Variants in ENOX2 observed in about 807,000 individuals in gnomAD.
ENOX2 encodes ecto-NOX disulfide-thiol exchanger 2, also known as APK1 antigen.
ENOX2 carries 36 observed loss-of-function variants against 45.0 expected under a neutral mutation model. That is an observed-to-expected ratio of 0.80 (90% confidence interval 0.61 to 1.06). The LOEUF is 1.06. Ranked by LOEUF, ENOX2 falls within the 50% of genes least tolerant of loss-of-function variation. ENOX2 has a pLI of 0.00. For missense variants in ENOX2, 423 were observed against 462.5 expected, an observed-to-expected ratio of 0.91 and a Z score of 0.78; for synonymous variants, 174 against 152.3, an observed-to-expected ratio of 1.14 and a Z score of -1.05.
intron 2 of ENOX2, among the ~76,000 whole-genome samples, chrX:130,792,990 T>C (rs1378780452): frequency 5.3e-5 from 6 of 112,207 alleles, no homozygotes; most frequent in Non-Finnish European, 1.1e-4. Context: ...GAGTCAGATC[T>C]GCATTCAAAG....
intron 2 of ENOX2, among the ~76,000 whole-genome samples, chrX:130,786,426 A>C (rs2076969856): frequency 9.3e-6 from 1 of 107,181 alleles, no homozygotes; most frequent in African/African-American, 3.4e-5. Flanking sequence ...ATTATACTTT[A>C]AGTTTTAGGG....
At chrX:130,656,801 G>A in intron 9 of ENOX2, 106 bp from the exon 10 acceptor site, 3 of 492,358 alleles carry the variant, frequency 6.1e-6, no homozygotes, top group Non-Finnish European at 1.0e-5. Context: ...GACATATTAG[G>A]AAAAAAATCC....
In ENOX2 at chrX:130,637,389, G is replaced by A. The variant is rs769445194; in HGVS notation, c.1151C>T (p.Ala384Val). The A allele has an allele frequency of 4.1e-6, 5 of 1,206,293 alleles. No homozygotes were observed. In the Admixed American group the frequency reaches 8.8e-5, roughly 21 times the overall value. The change falls in exon 11 of 15, where the codon GCT (alanine) becomes GTT (valine). Residue 384 changes from alanine to valine, a missense_variant. Physicochemically the swap from Ala to Val is moderately conservative, Grantham distance 64. This residue lies in a region of ENOX2 where 13 missense variants were observed against 29.8 expected (regional missense o/e 0.44). Transcript: ENST00000394363. The stretch of plus-strand genomic sequence containing the variant: ...GAGGCTGTCATTTTCTTCCTTCAGA[G>A]CTTCTGCCTGTGATACTAAGGCTAA... ...EESALVSQAE[A>V]LKEENDSLRW...
intron 2 of ENOX2, among the ~76,000 whole-genome samples, chrX:130,814,355 A>G (rs1022589301): frequency 3.6e-5 from 4 of 112,324 alleles, no homozygotes; most frequent in Non-Finnish European, 7.5e-5. Context: ...CTGGCTCTGA[A>G]GACAGCAGCA....
chrX:130,639,145 G>A (rs1398337355), intron 10 of ENOX2, among the ~76,000 whole-genome samples: 1 of 112,234 alleles, frequency 8.9e-6, no homozygotes, highest in Non-Finnish European at 1.9e-5. Context: ...AAGGGGAAAA[G>A]GAACAATTTT....
chrX:130,778,326 A>C (rs1391217197), intron 3 of ENOX2, among the ~76,000 whole-genome samples: 3 of 111,844 alleles, frequency 2.7e-5, no homozygotes, highest in Non-Finnish European at 5.6e-5. Flanking sequence ...TGGCTGACCA[A>C]ATTTCTTCTT....
At chrX:130,715,569 GT>G (rs59886678) in intron 3 of ENOX2, among the ~76,000 whole-genome samples, 73 of 100,677 alleles carry the variant, frequency 7.3e-4, no homozygotes, top group Middle Eastern at 5.2e-3. Flanking sequence ...CAAAATGACT[GT>G]TTTTTTTTTT....
intron 2 of ENOX2, among the ~76,000 whole-genome samples, chrX:130,839,307 T>C (rs1047060034): frequency 2.7e-5 from 3 of 111,606 alleles, no homozygotes; most frequent in African/African-American, 9.8e-5. Flanking sequence ...GGATCAGTCA[T>C]TTAACCTATT....
At chrX:130,768,963 C>G (rs2039677843) in intron 3 of ENOX2, among the ~76,000 whole-genome samples, 1 of 110,305 alleles carries the variant, frequency 9.1e-6, no homozygotes. Context: ...GATTCATAGT[C>G]TTTTTTTTAA....
At chrX:130,642,220 T>A (rs1441546055) in intron 10 of ENOX2, among the ~76,000 whole-genome samples, 2 of 111,838 alleles carry the variant, frequency 1.8e-5, no homozygotes, top group African/African-American at 6.5e-5. Context: ...ACTTCAATTC[T>A]CACTGATGAA....
chrX:130,690,178 G>T (rs1238802311), intron 4 of ENOX2, among the ~76,000 whole-genome samples: 1 of 111,347 alleles, frequency 9.0e-6, no homozygotes, highest in African/African-American at 3.3e-5. Context: ...ACACTGGAGG[G>T]GAACTTAGAA....
At chrX:130,656,833 G>A in intron 9 of ENOX2, 138 bp from the exon 10 acceptor site, 1 of 432,606 alleles carries the variant, frequency 2.3e-6, no homozygotes, top group Non-Finnish European at 4.0e-6. Context: ...TTAAGGCAAA[G>A]AGGCATGTTG....
At chrX:130,820,437 T>C (rs1369291760) in intron 2 of ENOX2, among the ~76,000 whole-genome samples, 2 of 112,126 alleles carry the variant, frequency 1.8e-5, no homozygotes, top group Non-Finnish European at 3.8e-5. Flanking sequence ...AACTACCATA[T>C]GACCTAGCAA....
intron 14 of ENOX2, among the ~76,000 whole-genome samples, chrX:130,625,920 T>TC (rs368098375): frequency 1.5e-3 from 168 of 108,934 alleles, no homozygotes; most frequent in African/African-American, 4.9e-3. Context: ...TCTCTCTCTC[T>TC]TTCACACACA....
chrX:130,699,467 G>C (rs1197429792), intron 4 of ENOX2, among the ~76,000 whole-genome samples: 3 of 111,698 alleles, frequency 2.7e-5, no homozygotes, highest in Admixed American at 9.5e-5. Flanking sequence ...ACAGGACAAA[G>C]AAAAGTCTTC....
intron 3 of ENOX2, among the ~76,000 whole-genome samples, chrX:130,763,587 G>A (rs1276356552): frequency 9.0e-6 from 1 of 110,907 alleles, no homozygotes; most frequent in East Asian, 2.8e-4. Context: ...TCCAGCTTCA[G>A]CCTGGGCATG....
chrX:130,841,076 G>C (rs968271138), intron 2 of ENOX2, among the ~76,000 whole-genome samples: 4 of 111,815 alleles, frequency 3.6e-5, no homozygotes, highest in Non-Finnish European at 7.5e-5. Context: ...GGCATCACTG[G>C]ATTGTTTTAG....
At chrX:130,840,380 T>C (rs1398994646) in intron 2 of ENOX2, among the ~76,000 whole-genome samples, 3 of 110,160 alleles carry the variant, frequency 2.7e-5, no homozygotes, top group African/African-American at 9.9e-5. Context: ...ATGCATTCTA[T>C]ATACTCTATG....
At chrX:130,704,101 T>C (rs998210917) in intron 3 of ENOX2, among the ~76,000 whole-genome samples, 1 of 112,002 alleles carries the variant, frequency 8.9e-6, no homozygotes, top group African/African-American at 3.3e-5. Context: ...AGGTCAAATA[T>C]ATTGTCCAAG....
Sources: allele counts gnomAD v4.1 joint callset (sites outside exome capture counted in the v4.1 genomes callset), GRCh38; gene constraint gnomAD v4.1.1; regional missense constraint gnomAD v4.1.1; transcripts MANE v1.5; gene names NCBI Gene and HGNC (gene_info 2026-07-23, HGNC 2026-07-21).